The following COL12A1 variants were observed in gnomAD, a reference collection of about 807,000 sequenced individuals.
COL12A1 encodes the protein collagen type XII alpha 1 chain.
Under a neutral mutation model 349.7 loss-of-function variants are expected in COL12A1, and 114 were observed. That is an observed-to-expected ratio of 0.33 (90% CI 0.28 to 0.38). COL12A1 has a LOEUF of 0.38. COL12A1 is among the 10% of genes least tolerant of loss of function. COL12A1 has a pLI of 1.00. For synonymous variants in COL12A1, 1,369 were observed against 1,329.0 expected (o/e 1.03, Z -0.66); for missense variants, 3,284 against 3,756.9 (o/e 0.87, Z 3.29).
intron 21 of COL12A1, among the ~76,000 whole-genome samples, chr6:75,149,353 G>A (rs373261472): frequency 5.9e-5 from 9 of 151,958 alleles, no homozygotes; most frequent in African/African-American, 2.2e-4. Context: ...GTTATGCTCT[G>A]TGAGGACAGA....
chr6:75,166,001 G>A (rs1225093640), intron 13 of COL12A1, among the ~76,000 whole-genome samples: 5 of 151,826 alleles, frequency 3.3e-5, no homozygotes, highest in African/African-American at 1.2e-4. Context: ...TCTTAACTTT[G>A]CCCTCATATG....
intron 1 of COL12A1, among the ~76,000 whole-genome samples, chr6:75,204,758 T>C (rs533347883): frequency 1.3e-5 from 2 of 151,598 alleles, no homozygotes; most frequent in Non-Finnish European, 2.9e-5. Context: ...ATTCCTTAAC[T>C]CCCGCGTCCA....
chr6:75,178,982 C>A (rs1769122472), intron 11 of COL12A1, among the ~76,000 whole-genome samples: 1 of 152,130 alleles, frequency 6.6e-6, no homozygotes, highest in Non-Finnish European at 1.5e-5. Context: ...GGGTTGGAAT[C>A]CTAGCTCTGA....
chr6:75,102,448 A>AT (rs1416586778), intron 56 of COL12A1, 149 bp downstream of exon 56: 9 of 518,688 alleles, frequency 1.7e-5, no homozygotes, highest in African/African-American at 2.0e-5. Flanking sequence ...CGTATCTAAA[A>AT]TAACAGTCAT....
At chr6:75,169,996 GGTCTA>G (rs1768537660) in intron 13 of COL12A1, among the ~76,000 whole-genome samples, 1 of 152,122 alleles carries the variant, frequency 6.6e-6, no homozygotes. Context: ...AATTCAGACA[GGTCTA>G]CTTCTCATGA....
At chr6:75,131,359 T>C (rs79908475) in intron 35 of COL12A1, among the ~76,000 whole-genome samples, 1,648 of 152,306 alleles carry the variant, frequency 0.011, 15 homozygotes, top group Non-Finnish European at 0.018. Flanking sequence ...AGAGACTCCA[T>C]ACAATACATA....
intron 14 of COL12A1, among the ~76,000 whole-genome samples, chr6:75,163,338 A>C (rs1272730542): frequency 6.6e-6 from 1 of 152,226 alleles, no homozygotes; most frequent in Non-Finnish European, 1.5e-5. Context: ...AGCCATATAA[A>C]AGGATGAGTT....
chr6:75,097,195 A>C (rs1768084080), intron 59 of COL12A1, 58 bp downstream of exon 59: 8 of 1,472,650 alleles, frequency 5.4e-6, no homozygotes, highest in Non-Finnish European at 7.6e-6. Context: ...GTTACTAGCA[A>C]AATGAGGTGA....
At chr6:75,126,515 A>G (rs1219853311) in intron 38 of COL12A1, 45 bp from the exon 39 acceptor site, 1 of 1,572,320 alleles carries the variant, frequency 6.4e-7, no homozygotes, top group Non-Finnish European at 8.7e-7. Flanking sequence ...TTATTGGCAC[A>G]CAGGGAGAGC....
chr6:75,110,619 A>T (rs561555717), intron 51 of COL12A1, among the ~76,000 whole-genome samples: 27 of 152,062 alleles, frequency 1.8e-4, no homozygotes, highest in African/African-American at 5.8e-4. Context: ...TCTTATTATA[A>T]ATGTCTCACA....
chr6:75,159,130 T>C (rs189667420), intron 14 of COL12A1, among the ~76,000 whole-genome samples: 1 of 151,812 alleles, frequency 6.6e-6, no homozygotes, highest in East Asian at 1.9e-4. Context: ...GCCATATTTT[T>C]TTAAAAACAC....
chr6:75,115,955 TAC>T, intron 48 of COL12A1, 33 bp from the exon 49 acceptor site: 1 of 1,612,088 alleles, frequency 6.2e-7, no homozygotes, highest in South Asian at 1.1e-5. Context: ...TTAAACGGAG[TAC>T]ATTTTAATTA....
chr6:75,135,182 G>C (rs1055745359), intron 31 of COL12A1, among the ~76,000 whole-genome samples: 1 of 150,708 alleles, frequency 6.6e-6, no homozygotes, highest in African/African-American at 2.5e-5. Flanking sequence ...CTAATCATAA[G>C]TGAGCTACAA....
intron 31 of COL12A1, among the ~76,000 whole-genome samples, chr6:75,136,187 C>T (rs963437594): frequency 5.9e-5 from 9 of 151,994 alleles, no homozygotes; most frequent in East Asian, 1.9e-4. Context: ...GTAGTTTTAC[C>T]GAAATCTGGC....
At chr6:75,124,488 T>TA (rs1210343250) in intron 40 of COL12A1, 117 bp from the exon 41 acceptor site, 2 of 664,270 alleles carry the variant, frequency 3.0e-6, no homozygotes, top group Non-Finnish European at 4.9e-6. Flanking sequence ...AAAATTGTAT[T>TA]ATGTTTCCTT....
chr6:75,125,355 A>C, intron 39 of COL12A1, 82 bp from the exon 40 acceptor site: 1 of 1,339,630 alleles, frequency 7.5e-7, no homozygotes, highest in South Asian at 1.6e-5. Context: ...TCTTATAGTC[A>C]AAGGGTATTA....
intron 44 of COL12A1, among the ~76,000 whole-genome samples, chr6:75,120,247 T>C (rs1335927304): frequency 6.6e-6 from 1 of 152,102 alleles, no homozygotes; most frequent in Admixed American, 6.6e-5. Context: ...ATTAAGAATA[T>C]AACTAGGGTG....
intron 12 of COL12A1, among the ~76,000 whole-genome samples, chr6:75,177,424 C>T (rs1201258355): frequency 1.3e-5 from 2 of 151,832 alleles, no homozygotes; most frequent in Admixed American, 6.6e-5. Flanking sequence ...GAGAGAGACT[C>T]TGTCTGAAAA....
chr6:75,101,261 A>T (rs1768289833), intron 58 of COL12A1, among the ~76,000 whole-genome samples: 2 of 152,232 alleles, frequency 1.3e-5, no homozygotes, highest in Non-Finnish European at 2.9e-5. Context: ...CACAACTAAG[A>T]TTTTAATTTT....
Sources: gnomAD v4.1 joint callset for allele counts (sites outside exome capture counted in the v4.1 genomes callset) on GRCh38, gnomAD v4.1.1 for gene constraint, MANE v1.5 for transcripts, NCBI Gene and HGNC (gene_info 2026-07-23, HGNC 2026-07-21) for gene names.